The following LRRC8B variants were observed in gnomAD, a reference collection of about 807,000 sequenced individuals.
The protein encoded by LRRC8B is volume-regulated anion channel subunit LRRC8B.
In LRRC8B, 23 loss-of-function variants were observed where a neutral mutation model predicts 58.8. The ratio of observed to expected loss-of-function variants is 0.39; its 90% confidence interval spans 0.28 to 0.55. The LOEUF (loss-of-function observed/expected upper bound fraction) is 0.55, where lower values mean the gene tolerates loss of function less well. LRRC8B is among the 20% of genes least tolerant of loss of function. The pLI, the probability that LRRC8B is intolerant of heterozygous loss-of-function variation, is 0.62. For missense variants in LRRC8B, 694 were observed against 936.0 expected (o/e 0.74, Z 3.37); for synonymous variants, 359 against 374.1 (o/e 0.96, Z 0.47).
chr1:89,590,512 A>G (rs1654907230), intron 5 of LRRC8B, among the ~76,000 whole-genome samples: 1 of 152,230 alleles, frequency 6.6e-6, no homozygotes, highest in African/African-American at 2.4e-5. Flanking sequence ...TCACAGCAGC[A>G]ATGCTAAGGG....
Position 89,582,981 on chromosome 1 carries a change from G to A in LRRC8B, c.331G>A (p.Glu111Lys), listed in dbSNP as rs1654350078. 2.5e-6 allele frequency: 4 copies of A among 1,613,932 alleles called. No individual in the cohort carries two copies. The highest frequency in any genetic ancestry group is 3.4e-6 in the Non-Finnish European group (4 of 1,179,976). ...CTCCTATATTGATGCCGTCTGTTAC[G>A]AGAAACAGCTCCATTGGTTTGCAAA... ...QYSYIDAVCYEKQLHWFAKFF... is the reference protein window; with the variant it reads ...QYSYIDAVCYKKQLHWFAKFF... The change falls in exon 5 of 6, where the codon GAG becomes AAG. Residue 111 changes from glutamate (E) to lysine (K), a missense_variant. Physicochemically the swap from Glu to Lys is moderately conservative, Grantham distance 56. This residue lies in a region of LRRC8B where 316 missense variants were observed against 403.8 expected (regional missense o/e 0.78). Coordinates refer to ENST00000330947, the MANE Select transcript of LRRC8B (RefSeq NM_001369817.2).
chr1:89,577,028 C>A (rs1038003285), intron 3 of LRRC8B, among the ~76,000 whole-genome samples: 6 of 152,116 alleles, frequency 3.9e-5, no homozygotes, highest in Non-Finnish European at 8.8e-5. Flanking sequence ...ATATGTTAGT[C>A]CCAAGAAACA....
At chr1:89,541,690 G>A (rs547502972) in intron 1 of LRRC8B, among the ~76,000 whole-genome samples, 2 of 107,120 alleles carry the variant, frequency 1.9e-5, no homozygotes, top group South Asian at 3.4e-4. Flanking sequence ...CAGCCTGGGC[G>A]ACAGAGGGAG....
At position 89,583,531 on chromosome 1, in the gene LRRC8B, A is replaced by G; in HGVS notation, c.881A>G (p.Gln294Arg). The G allele has an allele frequency of 6.2e-7, 1 of 1,612,876 alleles. No individual in the cohort carries two copies. Among genetic ancestry groups the G allele is most frequent in the Non-Finnish European group, 8.5e-7 (1 of 1,180,038 alleles). Residue 294 changes from glutamine to arginine, a missense_variant, in exon 5 of 6, where the codon CAG (glutamine) becomes CGG (arginine). By Grantham distance (43) the Gln-to-Arg change is conservative. Transcript: ENST00000330947. This position sits in a 1 kb window ranked among gnomAD's most constrained non-coding sequence, Gnocchi z 5.2. ...GAAATCGACTGTTCAGTTGATGTGC[A>G]GGCTTTTACAGGATATAAGCGCTAC... ...TLEIDCSVDV[Q>R]AFTGYKRYQC...
In LRRC8B at chr1:89,594,710, C is replaced by A. The variant is rs1255001894; in HGVS notation, c.*1667C>A. The A allele has an allele frequency of 6.6e-6, 1 of 152,054 alleles. No individual in the cohort carries two copies. The highest frequency in any genetic ancestry group is 2.4e-5 in the African/African-American group (1 of 41,386). 9.4% of individuals were successfully genotyped at this position (152,054 alleles called of 1,614,324 possible). A position where few individuals can be genotyped will look rare whatever the true frequency, so the allele number is the denominator to read the frequency against. On this transcript the variant is annotated 3_prime_UTR_variant, in exon 6 of 6. Transcript: ENST00000330947. The stretch of plus-strand genomic sequence containing the variant: ...TTTTTATAAAGAGCTTTGTGCTTGG[C>A]CTTTTATTATGCATATTTTTAATGA...
intron 5 of LRRC8B, among the ~76,000 whole-genome samples, chr1:89,592,505 G>C (rs1387135444): frequency 6.6e-6 from 1 of 152,134 alleles, no homozygotes; most frequent in Non-Finnish European, 1.5e-5. Flanking sequence ...TTGCTTGTTA[G>C]AGTGTTTAAA....
At chr1:89,575,650 C>G (rs1298990809) in intron 3 of LRRC8B, among the ~76,000 whole-genome samples, 1 of 152,122 alleles carries the variant, frequency 6.6e-6, no homozygotes, top group African/African-American at 2.4e-5. Context: ...CTCTATCACC[C>G]TGAATACACC....
chr1:89,582,583 A>G, intron 4 of LRRC8B, 42 bp from the exon 5 acceptor site: 1 of 1,129,744 alleles, frequency 8.9e-7, no homozygotes, highest in Non-Finnish European at 1.3e-6. Context: ...TGCTTATTTG[A>G]GTACTTGCTT....
chr1:89,582,431 G>A (rs968803472), intron 4 of LRRC8B, among the ~76,000 whole-genome samples, 194 bp from the exon 5 acceptor site: 31 of 152,164 alleles, frequency 2.0e-4, no homozygotes, highest in African/African-American at 7.5e-4. Flanking sequence ...AAGAGACTAT[G>A]GTTCAGAGTT....
In LRRC8B at chr1:89,593,252, C is replaced by T. The variant is rs1655108331; in HGVS notation, c.*209C>T. 2.0e-6 allele frequency: 1 copy of T among 503,562 alleles called. No individual in the cohort carries two copies. Among genetic ancestry groups the T allele is most frequent in the African/African-American group, 1.9e-5 (1 of 52,092 alleles). The allele number at this position is 503,562 out of a possible 1,614,324, so 31.2% of individuals were successfully genotyped here. ...ATTAGCCAGGCGTGGTGGCGTGCGC[C>T]TGTAATCCCAGCTACTTGGGAGGCT... On this transcript the variant is annotated 3_prime_UTR_variant, in exon 6 of 6. Transcript: ENST00000330947.
At chr1:89,540,833 T>C (rs1206970083) in intron 1 of LRRC8B, among the ~76,000 whole-genome samples, 1 of 152,174 alleles carries the variant, frequency 6.6e-6, no homozygotes, top group Admixed American at 6.5e-5. Flanking sequence ...AAAAGTTAGT[T>C]TAGAAAAAAG....
intron 1 of LRRC8B, among the ~76,000 whole-genome samples, chr1:89,535,384 A>T (rs899258819): frequency 9.2e-5 from 14 of 151,892 alleles, no homozygotes; most frequent in African/African-American, 3.4e-4. Flanking sequence ...AGAACATATC[A>T]CTCTTTTGGA....
At chr1:89,527,916 CAA>C (rs1649821741) in intron 1 of LRRC8B, among the ~76,000 whole-genome samples, 2 of 152,302 alleles carry the variant, frequency 1.3e-5, no homozygotes, top group South Asian at 4.1e-4. Flanking sequence ...AATTGCCACA[CAA>C]TTTACATTTA....
At chr1:89,573,995 T>C (rs1653655216) in intron 3 of LRRC8B, among the ~76,000 whole-genome samples, 1 of 152,236 alleles carries the variant, frequency 6.6e-6, no homozygotes, top group Non-Finnish European at 1.5e-5. Context: ...GGCTGGGCCT[T>C]AAGAGACTTG....
At chr1:89,556,888 CA>C (rs745954692) in intron 1 of LRRC8B, among the ~76,000 whole-genome samples, 2 of 152,238 alleles carry the variant, frequency 1.3e-5, no homozygotes, top group Non-Finnish European at 2.9e-5. Flanking sequence ...TCATTCCCCA[CA>C]CCTTCCTCCA....
At chr1:89,588,095 C>T (rs1224478009) in intron 5 of LRRC8B, 1 of 152,112 alleles carries the variant, frequency 6.6e-6, no homozygotes, top group Admixed American at 6.6e-5. Flanking sequence ...GCTGAGAACA[C>T]AAGAATCTGG....
rs1276822352 is a variant in LRRC8B, at chr1:89,583,103, T to C, written c.453T>C (p.His151=). 6.2e-7 allele frequency: 1 copy of C among 1,614,034 alleles called. No homozygotes were observed. The highest frequency in any genetic ancestry group is 8.5e-7 in the Non-Finnish European group (1 of 1,180,040). Residue 151 remains histidine, a synonymous_variant, in exon 5 of 6, where the codon CAT becomes CAC. Coordinates refer to ENST00000330947, the MANE Select transcript of LRRC8B (RefSeq NM_001369817.2). The surrounding 1 kb of genome is among the most constrained non-coding windows in gnomAD (Gnocchi z 5.2). The part of the protein sequence containing the change: ...HYPSTSSRLE[H]FVAILHKCFD... ...CCAGTACCAGTTCCAGGCTCGAGCA[T>C]TTTGTGGCCATCCTTCACAAGTGCT...
At chr1:89,534,689 G>T (rs190143788) in intron 1 of LRRC8B, among the ~76,000 whole-genome samples, 3 of 152,296 alleles carry the variant, frequency 2.0e-5, no homozygotes, top group African/African-American at 7.2e-5. Flanking sequence ...CTTTTTAAAT[G>T]GAAGTGCTTA....
At chr1:89,558,256 T>G (rs920451254) in intron 1 of LRRC8B, among the ~76,000 whole-genome samples, 5 of 152,130 alleles carry the variant, frequency 3.3e-5, no homozygotes, top group Non-Finnish European at 7.4e-5. Context: ...CCCTGCATTT[T>G]GGGGTCAAAC....
Sources: allele counts gnomAD v4.1 joint callset (sites outside exome capture counted in the v4.1 genomes callset), GRCh38; gene constraint gnomAD v4.1.1; regional missense constraint gnomAD v4.1.1; non-coding constraint Gnocchi (gnomAD v3.1); transcripts MANE v1.5; gene names NCBI Gene and HGNC (gene_info 2026-07-23, HGNC 2026-07-21).